The following CAPRIN1 variants were observed in gnomAD, a reference collection of about 807,000 sequenced individuals.
The protein encoded by CAPRIN1 is caprin-1.
In CAPRIN1, 29 loss-of-function variants were observed where a neutral mutation model predicts 100.9. That is an observed-to-expected ratio of 0.29 (90% CI 0.21 to 0.39). The LOEUF (loss-of-function observed/expected upper bound fraction) is 0.39. Among genes scored for constraint, CAPRIN1 ranks in the 10% least tolerant of loss-of-function variants. CAPRIN1 has a pLI of 1.00. For synonymous variants in CAPRIN1, 338 were observed against 307.5 expected (o/e 1.10, Z -1.04); for missense variants, 795 against 876.7 (o/e 0.91, Z 1.18).
Position 34,097,313 on chromosome 11 carries a change from T to G in CAPRIN1, c.2001+17T>G. ...TATCAACGGGTAGGTAAAGTAGTTC[T>G]AAAGTGTAAACCTGAACTAAATATA... On this transcript the variant is annotated intron_variant, in intron 17 of 18. Coordinates refer to ENST00000341394, the MANE Select transcript of CAPRIN1 (RefSeq NM_005898.5). The G allele has an allele frequency of 6.5e-7, 1 of 1,537,404 alleles. No homozygotes were observed. The highest frequency in any genetic ancestry group is 9.0e-7 in the Non-Finnish European group (1 of 1,110,306).
chr11:34,095,198 G>A (rs1023217319), intron 15 of CAPRIN1, among the ~76,000 whole-genome samples: 1 of 151,900 alleles, frequency 6.6e-6, no homozygotes, highest in African/African-American at 2.4e-5. Context: ...ACCCAGCCTG[G>A]CTATGAATTT....
Position 34,100,726 on chromosome 11 carries a change from T to G in CAPRIN1, c.*1359T>G, listed in dbSNP as rs546036803. 3.3e-5 allele frequency: 5 copies of G among 152,638 alleles called. No individual in the cohort carries two copies. The highest frequency in any genetic ancestry group is 5.9e-5 in the Non-Finnish European group (4 of 68,022). The allele number at this position is 152,638 out of a possible 1,614,324, so 9.5% of individuals were successfully genotyped here. A position where few individuals can be genotyped will look rare whatever the true frequency, so the allele number is the denominator to read the frequency against. Reference sequence around the variant, plus strand: ...CCCTTAGATGCATAGGGAGAGTCTCTAAATTTGATGGAAATGGACACTTGA... The same window carrying G: ...CCCTTAGATGCATAGGGAGAGTCTCGAAATTTGATGGAAATGGACACTTGA... On this transcript the variant is annotated 3_prime_UTR_variant, in exon 19 of 19. Transcript: ENST00000341394.
chr11:34,054,638 A>G (rs1276653407), intron 2 of CAPRIN1, among the ~76,000 whole-genome samples: 1 of 152,226 alleles, frequency 6.6e-6, no homozygotes, highest in South Asian at 2.1e-4. Flanking sequence ...CCTGTTGGCC[A>G]GGATTGTCTC....
At chr11:34,063,515 T>C (rs1325864611) in intron 2 of CAPRIN1, among the ~76,000 whole-genome samples, 1 of 152,184 alleles carries the variant, frequency 6.6e-6, no homozygotes, top group Admixed American at 6.5e-5. Context: ...AAACAGGATA[T>C]AGAGCGAGAC....
chr11:34,063,320 G>T (rs941733158), intron 2 of CAPRIN1: 1 of 152,198 alleles, frequency 6.6e-6, no homozygotes, highest in Non-Finnish European at 1.5e-5. Flanking sequence ...GGGGAGGGTT[G>T]TTAAGGCACA....
chr11:34,090,697 A>G lies in CAPRIN1; in HGVS notation c.1554+19A>G. Reference sequence around the variant, plus strand: ...GCAAACGGTAAGCAAATTAACTAACATTAATTGCCTAGTATGTAATATGAA... The same window carrying G: ...GCAAACGGTAAGCAAATTAACTAACGTTAATTGCCTAGTATGTAATATGAA... On this transcript the variant is annotated intron_variant, in intron 14 of 18. Transcript: ENST00000341394. 1.2e-6 allele frequency: 2 copies of G among 1,600,336 alleles called. No individual in the cohort carries two copies. The highest frequency in any genetic ancestry group is 1.7e-6 in the Non-Finnish European group (2 of 1,168,048).
At chr11:34,056,640 A>G (rs1325342501) in intron 2 of CAPRIN1, 2 of 152,198 alleles carry the variant, frequency 1.3e-5, no homozygotes, top group Admixed American at 6.5e-5. Flanking sequence ...ACTGGGCCCT[A>G]GGCTATGCAA....
chr11:34,065,579 C>A (rs1372927369), intron 2 of CAPRIN1, among the ~76,000 whole-genome samples: 1 of 152,140 alleles, frequency 6.6e-6, no homozygotes, highest in Non-Finnish European at 1.5e-5. Flanking sequence ...CTGACGTAAA[C>A]CAACATAGGG....
chr11:34,097,202 A>G lies in CAPRIN1; in HGVS notation c.1907A>G (p.Tyr636Cys), dbSNP rs1218489064. The G allele has an allele frequency of 6.2e-6, 10 of 1,608,910 alleles. No individual in the cohort carries two copies. The highest frequency in any genetic ancestry group is 7.7e-6 in the Non-Finnish European group (9 of 1,175,382). Residue 636 changes from tyrosine to cysteine, a missense_variant, in exon 17 of 19, where the codon TAT becomes TGT. By Grantham distance (194) the Tyr-to-Cys change is radical. Transcript: ENST00000341394. The part of the protein sequence containing the change: ...RGPANGFRGG[Y>C]DGYRPSFSNT... ...TTCTTGTCCTAAATTTTAGGAGGAT[A>G]TGATGGTTACCGCCCTTCATTCTCT...
Position 34,051,735 on chromosome 11 carries a change from A to T in CAPRIN1, c.-137A>T, listed in dbSNP as rs1223023559. On this transcript the variant is annotated 5_prime_UTR_variant, in exon 1 of 19. Transcript: ENST00000341394. ...TCCCGCTCCCGGCTCTCGCCTCACTAGGAGCGGCTCTCGGTGCAGCGGGAC... is the reference window on the plus strand; with the variant it reads ...TCCCGCTCCCGGCTCTCGCCTCACTTGGAGCGGCTCTCGGTGCAGCGGGAC... 6.6e-6 allele frequency: 1 copy of T among 152,216 alleles called. No individual in the cohort carries two copies. The highest frequency in any genetic ancestry group is 1.5e-5 in the Non-Finnish European group (1 of 68,110). 9.4% of individuals were successfully genotyped at this position (152,216 alleles called of 1,614,324 possible).
chr11:34,052,440 A>C lies in CAPRIN1; in HGVS notation c.20A>C (p.His7Pro), dbSNP rs1344293464. 1.2e-6 allele frequency: 2 copies of C among 1,607,178 alleles called. No individual in the cohort carries two copies. Among genetic ancestry groups the C allele is most frequent in the East Asian group, 4.5e-5 (2 of 44,654 alleles). The change falls in exon 2 of 19, where the codon CAC (histidine) becomes CCC (proline). Residue 7 changes from histidine (H) to proline (P), a missense_variant. His to Pro is a moderately conservative substitution (Grantham distance 77, BLOSUM62 -2). This residue lies in a region of CAPRIN1 where 109 missense variants were observed against 86.6 expected (regional missense o/e 1.26). Transcript: ENST00000341394. MPSATS[H>P]SGSGSKSSGP... ...CTGAAGATGCCCTCGGCCACCAGCC[A>C]CAGCGGGAGCGGCAGCAAGTCGTCC...
chr11:34,063,170 C>T (rs1013095567), intron 2 of CAPRIN1: 6 of 152,106 alleles, frequency 3.9e-5, no homozygotes, highest in African/African-American at 1.4e-4. Flanking sequence ...TGATGAAAAA[C>T]TTCTTGGGAA....
At chr11:34,091,726 T>C (rs1851269109) in intron 14 of CAPRIN1, 180 bp from the exon 15 acceptor site, 1 of 587,806 alleles carries the variant, frequency 1.7e-6, no homozygotes, top group African/African-American at 1.9e-5. Flanking sequence ...ATATGGTATA[T>C]ATGTCTTTTT....
intron 2 of CAPRIN1, chr11:34,055,802 T>G (rs1039212588): frequency 3.9e-5 from 6 of 152,246 alleles, no homozygotes; most frequent in Admixed American, 3.3e-4. Flanking sequence ...AAGGTCAAGT[T>G]ACAGTTAAGT....
chr11:34,052,794 C>A, intron 2 of CAPRIN1, 158 bp downstream of exon 2: 2 of 1,438,846 alleles, frequency 1.4e-6, no homozygotes, highest in South Asian at 1.4e-5. Context: ...CCACGTTCAG[C>A]GGGAGCTTCG....
intron 6 of CAPRIN1, among the ~76,000 whole-genome samples, chr11:34,077,812 A>G (rs1405076788): frequency 6.6e-6 from 1 of 152,166 alleles, no homozygotes; most frequent in Non-Finnish European, 1.5e-5. Context: ...TCCTTTCTTC[A>G]TTTAAGAAAT....
At chr11:34,055,263 A>C (rs1295790548) in intron 2 of CAPRIN1, among the ~76,000 whole-genome samples, 1 of 152,024 alleles carries the variant, frequency 6.6e-6, no homozygotes, top group East Asian at 1.9e-4. Flanking sequence ...TCCCGGGTTC[A>C]AGTGATCCTC....
At chr11:34,061,200 CTTTTTTTTTTTTT>C (rs770158492) in intron 2 of CAPRIN1, among the ~76,000 whole-genome samples, 1 of 102,830 alleles carries the variant, frequency 9.7e-6, no homozygotes, top group Admixed American at 1.0e-4. Context: ...AGGTAACATC[CTTTTTTTTTTTTT>C]TTTTTTTTTT....
chr11:34,073,426 C>G (rs1419909145), intron 4 of CAPRIN1, among the ~76,000 whole-genome samples: 2 of 152,104 alleles, frequency 1.3e-5, no homozygotes, highest in Admixed American at 1.3e-4. Flanking sequence ...TGATGCATAA[C>G]TAATATATTT....
Sources: allele counts gnomAD v4.1 joint callset (sites outside exome capture counted in the v4.1 genomes callset), GRCh38; gene constraint gnomAD v4.1.1; regional missense constraint gnomAD v4.1.1; transcripts MANE v1.5; gene names NCBI Gene and HGNC (gene_info 2026-07-23, HGNC 2026-07-21).